OSBPL10: variants seen among roughly 807,000 people sequenced by gnomAD.
The protein encoded by OSBPL10 is oxysterol-binding protein-related protein 10.
Under a neutral mutation model 81.7 loss-of-function variants are expected in OSBPL10, and 49 were observed. The observed-to-expected ratio is 0.60, with a 90% CI of 0.48 to 0.76. The LOEUF (loss-of-function observed/expected upper bound fraction) is 0.76, where lower values mean the gene tolerates loss of function less well. Ranked by LOEUF, OSBPL10 falls within the 30% of genes least tolerant of loss-of-function variation. The pLI is 0.00. For missense variants in OSBPL10, 923 were observed against 987.8 expected (o/e 0.93, Z 0.88); for synonymous variants, 419 against 383.6 (o/e 1.09, Z -1.08).
At position 32,063,704 on chromosome 3, in the gene OSBPL10, T is replaced by G. The variant is rs539847931; in HGVS notation, n.185+13692A>C. Among the ~76,000 whole-genome samples the G allele has an allele frequency of 2.2e-5, 2 of 91,504 alleles. 1 individual carries two copies. The highest frequency in any genetic ancestry group is 8.8e-4 in the South Asian group (2 of 2,284). 60.0% of individuals were successfully genotyped at this position (91,504 alleles called of 152,430 possible). On this transcript the variant is annotated intron_variant and non_coding_transcript_variant, in intron 1 of 3. Transcript: ENST00000479173. Reference sequence around the variant, plus strand: ...GGCAGTTTCCCCCATGCTGTTTTCATGATAGGGAGTGAGTTTTCACAAGAT... The same window carrying G: ...GGCAGTTTCCCCCATGCTGTTTTCAGGATAGGGAGTGAGTTTTCACAAGAT...
intron 2 of OSBPL10, among the ~76,000 whole-genome samples, chr3:32,039,673 T>A (rs568183235): frequency 6.6e-6 from 1 of 151,724 alleles, no homozygotes; most frequent in African/African-American, 2.4e-5. Context: ...AAAAAGAAAA[T>A]ATAAATTACT....
intron 7 of OSBPL10, among the ~76,000 whole-genome samples, chr3:31,696,279 A>AT (rs1695718051): frequency 6.6e-6 from 1 of 152,066 alleles, no homozygotes; most frequent in South Asian, 2.1e-4. Context: ...CTCCTGCAGC[A>AT]TTTTTTCTTC....
At chr3:32,043,419 C>A (rs546701727) in intron 2 of OSBPL10, among the ~76,000 whole-genome samples, 1 of 152,242 alleles carries the variant, frequency 6.6e-6, no homozygotes, top group Non-Finnish European at 1.5e-5. Context: ...GTTTTATAAT[C>A]AATTTGTACA....
intron 4 of OSBPL10, among the ~76,000 whole-genome samples, chr3:31,829,718 T>C (rs1700190941): frequency 6.6e-6 from 1 of 152,174 alleles, no homozygotes; most frequent in Non-Finnish European, 1.5e-5. Context: ...GTTATTTTCT[T>C]ATTATCCATG....
intron 1 of OSBPL10, among the ~76,000 whole-genome samples, chr3:31,901,981 G>A (rs1204741984): frequency 2.0e-5 from 3 of 152,106 alleles, no homozygotes; most frequent in Non-Finnish European, 1.5e-5. Context: ...AGTGAGCCAA[G>A]ATTGCACCAC....
At chr3:32,043,623 C>T (rs1160174064) in intron 2 of OSBPL10, among the ~76,000 whole-genome samples, 1 of 152,132 alleles carries the variant, frequency 6.6e-6, no homozygotes. Flanking sequence ...GTTTGGGATC[C>T]CTGACTTCTC....
At position 31,805,290 on chromosome 3, in the gene OSBPL10, C is replaced by T. The variant is rs562081755; in HGVS notation, c.729+24750G>A. Among the ~76,000 whole-genome samples, 13 of 152,278 alleles carry T rather than the reference C, an allele frequency of 8.5e-5. No homozygotes were observed. In the East Asian group the frequency reaches 2.5e-3, roughly 29 times the overall value. On this transcript the variant is annotated intron_variant, in intron 4 of 11. Transcript: ENST00000396556. ...GCAATGCTCTCTCCTCACACCAGGT[C>T]CTTGCACCTATTACCAGAAATGCTG...
chr3:31,740,776 T>C (rs1397819667), intron 5 of OSBPL10, among the ~76,000 whole-genome samples: 1 of 143,666 alleles, frequency 7.0e-6, no homozygotes, highest in African/African-American at 2.9e-5. Context: ...AGACTCCGTA[T>C]CTCAAAAAAA....
chr3:31,733,870 C>T (rs987300579), intron 5 of OSBPL10, among the ~76,000 whole-genome samples: 3 of 151,600 alleles, frequency 2.0e-5, no homozygotes, highest in Non-Finnish European at 4.4e-5. Flanking sequence ...ATTAGCTGGG[C>T]GTGGTGGCGG....
chr3:32,060,218 A>G (rs1324433453), intron 1 of OSBPL10, among the ~76,000 whole-genome samples: 1 of 152,204 alleles, frequency 6.6e-6, no homozygotes, highest in Admixed American at 6.5e-5. Context: ...GTCTTCAAAT[A>G]ATTTTAAAAC....
chr3:32,043,529 T>C (rs1699595374), intron 2 of OSBPL10, among the ~76,000 whole-genome samples: 1 of 152,216 alleles, frequency 6.6e-6, no homozygotes, highest in African/African-American at 2.4e-5. Context: ...TAAGAAATTA[T>C]GAAAGTATTA....
chr3:31,928,618 A>G (rs562105766), intron 1 of OSBPL10, among the ~76,000 whole-genome samples: 7 of 152,230 alleles, frequency 4.6e-5, no homozygotes, highest in Admixed American at 2.6e-4. Context: ...TCTACTAAAA[A>G]TATAAAAATC....
chr3:31,865,379 G>T lies in OSBPL10; in HGVS notation c.537+11054C>A, dbSNP rs544726606. ...CAATGAAATTTAAGTAGTCTCATGTGGCTAGAGGTCTCCATATTGCACAGC... is the reference window on the plus strand; with the variant it reads ...CAATGAAATTTAAGTAGTCTCATGTTGCTAGAGGTCTCCATATTGCACAGC... On this transcript the variant is annotated intron_variant, in intron 3 of 11. Transcript: ENST00000396556. 5.9e-5 allele frequency among the ~76,000 whole-genome samples: 9 copies of T among 152,338 alleles called. No homozygotes were observed. In the South Asian group the frequency reaches 1.9e-3, roughly 32 times the overall value.
intron 3 of OSBPL10, among the ~76,000 whole-genome samples, chr3:31,859,015 C>T (rs1700997359): frequency 6.6e-6 from 1 of 152,180 alleles, no homozygotes; most frequent in Non-Finnish European, 1.5e-5. Flanking sequence ...TTAATCCTAA[C>T]AACTGCCCTG....
intron 7 of OSBPL10, among the ~76,000 whole-genome samples, chr3:31,699,201 G>C (rs1410809151): frequency 6.6e-6 from 1 of 152,142 alleles, no homozygotes; most frequent in African/African-American, 2.4e-5. Flanking sequence ...AGGATCTCCT[G>C]AATACCACAT....
At chr3:31,999,274 T>A (rs1699120886) in intron 2 of OSBPL10, among the ~76,000 whole-genome samples, 1 of 152,108 alleles carries the variant, frequency 6.6e-6, no homozygotes, top group Non-Finnish European at 1.5e-5. Context: ...TCAGTGATGA[T>A]AACATGGCCC....
chr3:32,044,415 A>C, intron 2 of OSBPL10, among the ~76,000 whole-genome samples: 1 of 149,256 alleles, frequency 6.7e-6, no homozygotes, highest in East Asian at 1.9e-4. Flanking sequence ...AATTTAAAAA[A>C]ATTTTAATGG....
At chr3:32,041,857 A>G (rs912605559) in intron 2 of OSBPL10, among the ~76,000 whole-genome samples, 1 of 152,036 alleles carries the variant, frequency 6.6e-6, no homozygotes, top group Non-Finnish European at 1.5e-5. Flanking sequence ...CGGGTGTTTC[A>G]CCATGTTGGC....
At chr3:32,068,634 C>T (rs968556789) in intron 1 of OSBPL10, among the ~76,000 whole-genome samples, 12 of 152,080 alleles carry the variant, frequency 7.9e-5, no homozygotes, top group East Asian at 5.8e-4. Flanking sequence ...GGCCAGAAAA[C>T]GGCACTTTTG....
Sources: gnomAD v4.1 joint callset for allele counts (sites outside exome capture counted in the v4.1 genomes callset) on GRCh38, gnomAD v4.1.1 for gene constraint, MANE v1.5 for transcripts, NCBI Gene and HGNC (gene_info 2026-07-23, HGNC 2026-07-21) for gene names.